LAMA2: variants seen among roughly 807,000 people sequenced by gnomAD.
The protein encoded by LAMA2 is laminin subunit alpha 2, also known as laminin subunit alpha-2.
LAMA2 carries 269 observed loss-of-function variants against 364.8 expected under a neutral mutation model. The observed-to-expected ratio is 0.74, with a 90% CI of 0.67 to 0.82. The LOEUF (loss-of-function observed/expected upper bound fraction) is 0.82, where lower values mean the gene tolerates loss of function less well. LAMA2 is among the 40% of genes least tolerant of loss of function. The pLI is 0.00. For missense variants in LAMA2, 3,807 were observed against 3,873.2 expected (o/e 0.98, Z 0.45); for synonymous variants, 1,379 against 1,370.6 (o/e 1.01, Z -0.14).
intron 12 of LAMA2, among the ~76,000 whole-genome samples, chr6:129,235,721 A>C (rs568078103): frequency 6.6e-5 from 10 of 152,280 alleles, no homozygotes; most frequent in African/African-American, 2.4e-4. Context: ...TAGAAAAATC[A>C]CCAACGCTCT....
intron 32 of LAMA2, among the ~76,000 whole-genome samples, chr6:129,363,307 AAAAAAT>A (rs1777575655): frequency 2.0e-5 from 3 of 152,308 alleles, no homozygotes; most frequent in African/African-American, 7.2e-5. Flanking sequence ...CTGTCTCAGA[AAAAAAT>A]AAAAATAGAA....
At chr6:129,213,189 C>A (rs1468793373) in intron 12 of LAMA2, among the ~76,000 whole-genome samples, 1 of 152,128 alleles carries the variant, frequency 6.6e-6, no homozygotes, top group Non-Finnish European at 1.5e-5. Context: ...TCCGCCATGT[C>A]TTTTCTTGCC....
At chr6:129,450,157 G>T (rs867933662) in intron 45 of LAMA2, among the ~76,000 whole-genome samples, 14 of 142,180 alleles carry the variant, frequency 9.8e-5, no homozygotes, top group African/African-American at 2.3e-4. Context: ...ATGGAATCCC[G>T]TTTTTTTTTT....
intron 12 of LAMA2, among the ~76,000 whole-genome samples, chr6:129,202,187 C>CAAAAAAA (rs776190977): frequency 1.2e-3 from 73 of 61,996 alleles, no homozygotes; most frequent in Non-Finnish European, 1.9e-3. Context: ...GAGTCTGTCT[C>CAAAAAAA]AAAAAAAAAA....
At chr6:129,368,260 C>T (rs1305014093) in intron 33 of LAMA2, among the ~76,000 whole-genome samples, 1 of 152,174 alleles carries the variant, frequency 6.6e-6, no homozygotes, top group African/African-American at 2.4e-5. Flanking sequence ...CTGCCTTCTG[C>T]CGTGTGAGGA....
Position 129,516,545 on chromosome 6 carries a change from A to G in LAMA2, c.*198A>G, listed in dbSNP as rs1033006133. On this transcript the variant is annotated 3_prime_UTR_variant, in exon 65 of 65. Transcript: ENST00000421865. Reference sequence around the variant, plus strand: ...CTTTCTCAAGTCTATAAATAATATTAAACTGATTATTTCATTCTAAATAAT... The same window carrying G: ...CTTTCTCAAGTCTATAAATAATATTGAACTGATTATTTCATTCTAAATAAT... The G allele has an allele frequency of 4.6e-6, 2 of 430,662 alleles. No individual in the cohort carries two copies. The highest frequency in any genetic ancestry group is 1.9e-5 in the African/African-American group (1 of 51,302). 26.7% of individuals were successfully genotyped at this position (430,662 alleles called of 1,614,324 possible). A position where few individuals can be genotyped will look rare whatever the true frequency, so the allele number is the denominator to read the frequency against.
At chr6:129,148,932 G>T (rs1166326147) in intron 6 of LAMA2, 47 bp from the exon 7 acceptor site, 7 of 1,236,368 alleles carry the variant, frequency 5.7e-6, no homozygotes, top group Non-Finnish European at 8.4e-6. Context: ...TTCCTTTATG[G>T]TTCTAAATGA....
chr6:129,356,645 C>T (rs571379716), intron 32 of LAMA2, among the ~76,000 whole-genome samples: 1 of 151,988 alleles, frequency 6.6e-6, no homozygotes, highest in Non-Finnish European at 1.5e-5. Context: ...AGAAAGCAAA[C>T]GTGGTTTAGC....
At chr6:129,457,377 T>C (rs1783023605) in intron 48 of LAMA2, among the ~76,000 whole-genome samples, 1 of 152,086 alleles carries the variant, frequency 6.6e-6, no homozygotes, top group Admixed American at 6.6e-5. Flanking sequence ...CAACTTTCTC[T>C]CCTTCACAGA....
intron 21 of LAMA2, among the ~76,000 whole-genome samples, chr6:129,299,295 A>G (rs1303652651): frequency 6.6e-6 from 1 of 152,138 alleles, no homozygotes; most frequent in Non-Finnish European, 1.5e-5. Context: ...TGCAAAATTC[A>G]TCTATTAAAT....
chr6:129,421,977 C>A (rs906846284), intron 40 of LAMA2, among the ~76,000 whole-genome samples: 2 of 152,040 alleles, frequency 1.3e-5, no homozygotes. Context: ...TACTCAGAAA[C>A]TTTCAAGGCC....
At chr6:129,489,025 G>T (rs1784730171) in intron 56 of LAMA2, among the ~76,000 whole-genome samples, 1 of 152,126 alleles carries the variant, frequency 6.6e-6, no homozygotes, top group South Asian at 2.1e-4. Flanking sequence ...TAAATGAGAT[G>T]ATATATTTGA....
intron 4 of LAMA2, among the ~76,000 whole-genome samples, chr6:129,139,373 C>G (rs113409097): frequency 6.6e-6 from 1 of 151,956 alleles, no homozygotes; most frequent in Non-Finnish European, 1.5e-5. Context: ...GCATCTGTAC[C>G]GAACATGTGC....
intron 1 of LAMA2, among the ~76,000 whole-genome samples, chr6:129,006,232 A>G (rs967993849): frequency 7.2e-5 from 11 of 152,138 alleles, no homozygotes; most frequent in African/African-American, 2.4e-4. Flanking sequence ...AGACCAAGTG[A>G]CATTTCATTT....
chr6:129,284,821 CAA>C (rs1162151187), intron 18 of LAMA2, among the ~76,000 whole-genome samples: 3 of 151,968 alleles, frequency 2.0e-5, no homozygotes, highest in African/African-American at 7.2e-5. Flanking sequence ...GCAAGTGTAA[CAA>C]ATAACTGCAT....
chr6:129,178,024 G>C (rs1780715051), intron 10 of LAMA2, among the ~76,000 whole-genome samples, 158 bp downstream of exon 10: 1 of 149,804 alleles, frequency 6.7e-6, no homozygotes, highest in Admixed American at 6.6e-5. Flanking sequence ...ACTGTAGCAG[G>C]ATGTTTATAA....
At chr6:128,934,100 A>G (rs1164445565) in intron 1 of LAMA2, among the ~76,000 whole-genome samples, 1 of 152,204 alleles carries the variant, frequency 6.6e-6, no homozygotes, top group African/African-American at 2.4e-5. Context: ...ATCCATTTTC[A>G]GTTGATTTTT....
At chr6:129,511,362 A>G (rs1472534478) in intron 62 of LAMA2, among the ~76,000 whole-genome samples, 2 of 152,010 alleles carry the variant, frequency 1.3e-5, no homozygotes, top group Non-Finnish European at 2.9e-5. Context: ...TTGCAGAGCA[A>G]TTCAGCTTCT....
At chr6:129,420,993 G>C (rs1781046267) in intron 40 of LAMA2, among the ~76,000 whole-genome samples, 1 of 152,024 alleles carries the variant, frequency 6.6e-6, no homozygotes. Flanking sequence ...TTGAATATTT[G>C]GTGCTTGAGA....
Sources: gnomAD v4.1 joint callset for allele counts (sites outside exome capture counted in the v4.1 genomes callset) on GRCh38, gnomAD v4.1.1 for gene constraint, MANE v1.5 for transcripts, NCBI Gene and HGNC (gene_info 2026-07-23, HGNC 2026-07-21) for gene names.